SEC14L5: variants seen among roughly 807,000 people sequenced by gnomAD.
SEC14L5 encodes SEC14-like protein 5.
A neutral mutation model predicts 84.6 loss-of-function variants in SEC14L5; 96 were observed. The observed-to-expected ratio is 1.13, with a 90% CI of 0.96 to 1.34. The LOEUF is 1.34. SEC14L5 is among the 40% of genes most tolerant of loss of function. The probability of loss-of-function intolerance (pLI) is 0.00; values close to 1 mark genes in which losing one functional copy is unlikely to be tolerated. For missense variants in SEC14L5, 1,224 were observed against 942.5 expected (o/e 1.30, Z -3.91); for synonymous variants, 546 against 383.4 (o/e 1.42, Z -4.95).
At position 5,015,094 on chromosome 16, in the gene SEC14L5, A is replaced by T; in HGVS notation, c.*124A>T. 1 of 718,250 alleles carries T rather than the reference A, an allele frequency of 1.4e-6. No homozygotes were observed. Among genetic ancestry groups the T allele is most frequent in the Non-Finnish European group, 2.3e-6 (1 of 435,610 alleles). 44.5% of individuals were successfully genotyped at this position (718,250 alleles called of 1,614,324 possible). A position where few individuals can be genotyped will look rare whatever the true frequency, so the allele number is the denominator to read the frequency against. On this transcript the variant is annotated 3_prime_UTR_variant, in exon 16 of 16. Coordinates refer to ENST00000251170, the MANE Select transcript of SEC14L5 (RefSeq NM_014692.2). The stretch of plus-strand genomic sequence containing the variant: ...GGAGCCCCAGGCCTAGATGCTGCCC[A>T]AGTTGGGGTGTCTGGAGCGGATGGC...
chr16:4,996,825 C>T lies in SEC14L5; in HGVS notation c.781-30C>T, dbSNP rs761661463. 5 of 1,578,722 alleles carry T rather than the reference C, an allele frequency of 3.2e-6. No individual in the cohort carries two copies. The Admixed American group carries it at 8.7e-5, about 28-fold the overall frequency. ...ATCTGCTGGGTCAGGGGATACCGTTCTGTGGGCTTTTTACTTCTTTGTCTC... is the reference window on the plus strand; with the variant it reads ...ATCTGCTGGGTCAGGGGATACCGTTTTGTGGGCTTTTTACTTCTTTGTCTC... On this transcript the variant is annotated intron_variant, in intron 7 of 15. Coordinates refer to ENST00000251170, the MANE Select transcript of SEC14L5 (RefSeq NM_014692.2).
intron 15 of SEC14L5, among the ~76,000 whole-genome samples, chr16:5,014,167 G>A (rs1045574012): frequency 5.9e-5 from 9 of 152,340 alleles, no homozygotes; most frequent in South Asian, 2.1e-4. Flanking sequence ...TGCCTCAGTC[G>A]CATGGGCCAC....
intron 2 of SEC14L5, among the ~76,000 whole-genome samples, chr16:4,965,660 C>CAA (rs34483309): frequency 2.6e-4 from 14 of 53,102 alleles, no homozygotes; most frequent in Admixed American, 3.7e-4. Flanking sequence ...GACTCCATCT[C>CAA]AAAAAAAAAA....
intron 14 of SEC14L5, among the ~76,000 whole-genome samples, chr16:5,010,278 C>T (rs890066099): frequency 1.6e-4 from 24 of 148,958 alleles, no homozygotes; most frequent in Non-Finnish European, 2.7e-4. Context: ...GCAGGAGAAT[C>T]GCTTGAACCT....
chr16:4,996,585 T>C lies in SEC14L5; in HGVS notation c.780+125T>C, dbSNP rs983888300. 46 of 630,326 alleles carry C rather than the reference T, an allele frequency of 7.3e-5. No individual in the cohort carries two copies. The East Asian group carries it at 1.3e-3, about 17-fold the overall frequency. The allele number at this position is 630,326 out of a possible 1,614,324, so 39.0% of individuals were successfully genotyped here. A position where few individuals can be genotyped will look rare whatever the true frequency, so the allele number is the denominator to read the frequency against. On this transcript the variant is annotated intron_variant, in intron 7 of 15. Coordinates refer to ENST00000251170, the MANE Select transcript of SEC14L5 (RefSeq NM_014692.2). The stretch of plus-strand genomic sequence containing the variant: ...ATTATCTCTTGCTTATTTATTTATT[T>C]ATTCATTTATTTCTGTGAGACAAAG...
At chr16:4,962,629 A>G (rs919851518) in intron 2 of SEC14L5, among the ~76,000 whole-genome samples, 4 of 141,186 alleles carry the variant, frequency 2.8e-5, no homozygotes, top group Non-Finnish European at 6.1e-5. Context: ...CGGAGGTTGC[A>G]GGGAGCCGAG....
rs139031947 is a variant in SEC14L5 at position 4,972,085 on chromosome 16, A to G, written c.63+12699A>G. Among the ~76,000 whole-genome samples the G allele has an allele frequency of 5.7e-4, 87 of 151,360 alleles. No homozygotes were observed. The Middle Eastern group carries it at 0.01, about 18-fold the overall frequency. ...CAGTGGTGCAATTATAGCTCACTACAGCCTCAACCTCCTGGGTTCAAGCGA... is the reference window on the plus strand; with the variant it reads ...CAGTGGTGCAATTATAGCTCACTACGGCCTCAACCTCCTGGGTTCAAGCGA... On this transcript the variant is annotated intron_variant, in intron 2 of 15. Coordinates refer to ENST00000251170, the MANE Select transcript of SEC14L5 (RefSeq NM_014692.2).
At chr16:5,013,151 A>G (rs8046982) in intron 15 of SEC14L5, among the ~76,000 whole-genome samples, 100,090 of 151,736 alleles carry the variant, frequency 0.66, 33,443 homozygotes, top group Non-Finnish European at 0.69. Context: ...CTCCCACCAG[A>G]TCCCTCCCTC....
chr16:4,979,468 G>A (rs1955392756), intron 2 of SEC14L5, among the ~76,000 whole-genome samples: 2 of 152,336 alleles, frequency 1.3e-5, no homozygotes, highest in Admixed American at 6.5e-5. Flanking sequence ...GGTATGCAGT[G>A]AGCCCAGTGT....
At position 4,960,377 on chromosome 16, in the gene SEC14L5, A is replaced by G. The variant is rs576550747; in HGVS notation, c.63+991A>G. 2.6e-5 allele frequency among the ~76,000 whole-genome samples: 4 copies of G among 152,236 alleles called. No homozygotes were observed. The South Asian group carries it at 8.3e-4, about 32-fold the overall frequency. ...TATTGAAAGTGTAAGAAACATTAGC[A>G]TCCACCCCCATCTGTCCCACCCCAG... On this transcript the variant is annotated intron_variant, in intron 2 of 15. Coordinates refer to ENST00000251170, the MANE Select transcript of SEC14L5 (RefSeq NM_014692.2).
At chr16:4,995,831 G>C (rs1955602691) in intron 6 of SEC14L5, among the ~76,000 whole-genome samples, 1 of 152,012 alleles carries the variant, frequency 6.6e-6, no homozygotes, top group Non-Finnish European at 1.5e-5. Context: ...TCACCATGTT[G>C]GCCAGGCTGG....
At chr16:4,962,407 G>A (rs1364638610) in intron 2 of SEC14L5, among the ~76,000 whole-genome samples, 1 of 152,054 alleles carries the variant, frequency 6.6e-6, no homozygotes, top group African/African-American at 2.4e-5. Context: ...ATTATCTGTG[G>A]CCAGGTATGG....
Position 4,973,492 on chromosome 16 carries a change from T to C in SEC14L5, c.64-14065T>C, listed in dbSNP as rs144293115. Among the ~76,000 whole-genome samples the C allele has an allele frequency of 9.7e-3, 1,380 of 142,248 alleles. 18 individuals carry two copies. The highest frequency in any genetic ancestry group is 0.034 in the African/African-American group (1,319 of 39,254). 93.3% of individuals were successfully genotyped at this position (142,248 alleles called of 152,430 possible). A position where few individuals can be genotyped will look rare whatever the true frequency, so the allele number is the denominator to read the frequency against. On this transcript the variant is annotated intron_variant, in intron 2 of 15. Coordinates refer to ENST00000251170, the MANE Select transcript of SEC14L5 (RefSeq NM_014692.2). ...CTGCCATTGGATGGCTGATGACTCA[T>C]TCAGCAAGCTCTAGTTGAGCACCCC...
At chr16:5,006,158 G>T in intron 12 of SEC14L5, 110 bp downstream of exon 12, 1 of 1,095,862 alleles carries the variant, frequency 9.1e-7, no homozygotes, top group East Asian at 2.4e-5. Context: ...GCTGGGTGCG[G>T]CATGTGCACT....
At chr16:4,970,100 C>A (rs908512761) in intron 2 of SEC14L5, among the ~76,000 whole-genome samples, 1 of 152,224 alleles carries the variant, frequency 6.6e-6, no homozygotes, top group Non-Finnish European at 1.5e-5. Flanking sequence ...GCGTGAGCCA[C>A]TGCACCTGGC....
chr16:5,008,694 G>T, intron 14 of SEC14L5, 46 bp downstream of exon 14: 1 of 1,519,736 alleles, frequency 6.6e-7, no homozygotes, highest in Admixed American at 1.8e-5. Context: ...GCAGCACTGA[G>T]TGTCCACTGC....
intron 15 of SEC14L5, among the ~76,000 whole-genome samples, chr16:5,013,251 G>A (rs1252804493): frequency 1.3e-5 from 2 of 152,174 alleles, no homozygotes; most frequent in African/African-American, 4.8e-5. Flanking sequence ...GCTCAGGGAC[G>A]TAACCTAGAG....
At chr16:4,969,028 G>A (rs918813959) in intron 2 of SEC14L5, among the ~76,000 whole-genome samples, 5 of 152,366 alleles carry the variant, frequency 3.3e-5, no homozygotes, top group Admixed American at 3.3e-4. Flanking sequence ...TTAACAAAGC[G>A]GCCGGGGCCT....
At chr16:4,974,133 GAAGGTGATA>G (rs1955312143) in intron 2 of SEC14L5, among the ~76,000 whole-genome samples, 1 of 152,152 alleles carries the variant, frequency 6.6e-6, no homozygotes, top group Admixed American at 6.5e-5. Context: ...GGCTTCTTTT[GAAGGTGATA>G]AAAATATTCT....
Sources: gnomAD v4.1 joint callset for allele counts (sites outside exome capture counted in the v4.1 genomes callset) on GRCh38, gnomAD v4.1.1 for gene constraint, MANE v1.5 for transcripts, NCBI Gene and HGNC (gene_info 2026-07-23, HGNC 2026-07-21) for gene names.